The following TRUB1 variants were observed in gnomAD, a reference collection of about 807,000 sequenced individuals.
TRUB1 encodes the protein pseudouridylate synthase TRUB1.
Under a neutral mutation model 33.9 loss-of-function variants are expected in TRUB1, and 23 were observed. The observed-to-expected ratio is 0.68, with a 90% CI of 0.49 to 0.96. The LOEUF (loss-of-function observed/expected upper bound fraction) is 0.96, where lower values mean the gene tolerates loss of function less well. TRUB1 is among the 40% of genes least tolerant of loss of function. TRUB1 has a pLI of 0.00. For synonymous variants in TRUB1, 163 were observed against 165.4 expected, an observed-to-expected ratio of 0.99 and a Z score of 0.11; for missense variants, 378 against 422.2, an observed-to-expected ratio of 0.90 and a Z score of 0.92.
intron 4 of TRUB1, among the ~76,000 whole-genome samples, chr10:114,965,022 C>A (rs746774618): frequency 6.6e-6 from 1 of 151,466 alleles, no homozygotes; most frequent in Non-Finnish European, 1.5e-5. Flanking sequence ...CTCCGCCTCC[C>A]GGGTTCATGC....
chr10:114,952,612 C>G (rs2084242170), intron 3 of TRUB1, among the ~76,000 whole-genome samples: 1 of 152,210 alleles, frequency 6.6e-6, no homozygotes. Flanking sequence ...TGGTTATCAA[C>G]TGGCATAAAA....
intron 4 of TRUB1, among the ~76,000 whole-genome samples, chr10:114,967,575 T>C (rs1476857556): frequency 6.6e-6 from 1 of 152,188 alleles, no homozygotes; most frequent in African/African-American, 2.4e-5. Context: ...AAAAATTAAT[T>C]TCAAATGAAT....
chr10:114,969,307 C>T (rs1046138648), intron 4 of TRUB1, among the ~76,000 whole-genome samples: 1 of 151,126 alleles, frequency 6.6e-6, no homozygotes, highest in African/African-American at 2.4e-5. Context: ...GTTGTGCACG[C>T]CTGTAATCCC....
At chr10:114,973,857 G>T (rs1035023606) in intron 6 of TRUB1, among the ~76,000 whole-genome samples, 1 of 152,048 alleles carries the variant, frequency 6.6e-6, no homozygotes, top group Admixed American at 6.6e-5. Context: ...TTTTTGGTTG[G>T]TTGGTTGGTT....
chr10:114,956,337 A>T (rs1318483790), intron 3 of TRUB1, among the ~76,000 whole-genome samples: 1 of 152,098 alleles, frequency 6.6e-6, no homozygotes, highest in Non-Finnish European at 1.5e-5. Flanking sequence ...CAAAGCACAG[A>T]CTCTACGTAG....
At chr10:114,964,338 G>T (rs2084297532) in intron 4 of TRUB1, among the ~76,000 whole-genome samples, 2 of 151,826 alleles carry the variant, frequency 1.3e-5, no homozygotes, top group South Asian at 2.1e-4. Flanking sequence ...TCCCTTTTGA[G>T]TTGCCTTTTT....
intron 4 of TRUB1, among the ~76,000 whole-genome samples, chr10:114,961,637 T>C (rs2084285626): frequency 6.6e-6 from 1 of 152,230 alleles, no homozygotes; most frequent in South Asian, 2.1e-4. Flanking sequence ...AGAACGTTTT[T>C]CAGGCTGTGA....
In TRUB1 at chr10:114,942,847, A is replaced by C. The variant is rs1350010455; in HGVS notation, c.385+104A>C. On this transcript the variant is annotated intron_variant, in intron 2 of 7. Transcript: ENST00000298746. ...GACTAAAGCCTTCTATTTTTCAGTC[A>C]TTTTGGAATGTTTCAGATCTACTGG... is the stretch of plus-strand genomic sequence containing the variant. 3.0e-5 allele frequency: 23 copies of C among 767,168 alleles called. 1 individual carries two copies. The allele number at this position is 767,168 out of a possible 1,614,324, so 47.5% of individuals were successfully genotyped here. A position where few individuals can be genotyped will look rare whatever the true frequency, so the allele number is the denominator to read the frequency against.
At chr10:114,953,703 C>T (rs922894959) in intron 3 of TRUB1, among the ~76,000 whole-genome samples, 2 of 152,104 alleles carry the variant, frequency 1.3e-5, no homozygotes, top group South Asian at 4.1e-4. Context: ...AAAAGAGGTT[C>T]ATTTGGCTCA....
At chr10:114,963,092 C>T (rs186638769) in intron 4 of TRUB1, among the ~76,000 whole-genome samples, 16 of 152,282 alleles carry the variant, frequency 1.1e-4, no homozygotes, top group East Asian at 5.8e-4. Context: ...ACCAAGCATC[C>T]GGGAAGGCCT....
chr10:114,960,947 T>C (rs962890570), intron 4 of TRUB1, among the ~76,000 whole-genome samples: 2 of 152,096 alleles, frequency 1.3e-5, no homozygotes, highest in Admixed American at 1.3e-4. Flanking sequence ...GGAGAATGAT[T>C]ATTATTCAGA....
chr10:114,954,064 TA>T (rs377033591), intron 3 of TRUB1, among the ~76,000 whole-genome samples: 59 of 148,592 alleles, frequency 4.0e-4, no homozygotes, highest in African/African-American at 4.9e-4. Flanking sequence ...TCTATTTCAT[TA>T]AAAAAAAAAA....
intron 2 of TRUB1, among the ~76,000 whole-genome samples, chr10:114,947,022 A>G (rs2084214282): frequency 6.6e-6 from 1 of 152,188 alleles, no homozygotes; most frequent in South Asian, 2.1e-4. Flanking sequence ...ACCCAATGTA[A>G]TCACAATATT....
At chr10:114,968,085 ATG>A (rs550820951) in intron 4 of TRUB1, among the ~76,000 whole-genome samples, 3 of 151,976 alleles carry the variant, frequency 2.0e-5, no homozygotes, top group East Asian at 1.9e-4. Context: ...ACGTGTGTGT[ATG>A]TGTGTGTGTG....
At position 114,938,437 on chromosome 10, in the gene TRUB1, G is replaced by T; in HGVS notation, c.184G>T (p.Ala62Ser). The change falls in exon 1 of 8, where the codon GCT (alanine) becomes TCT (serine). Residue 62 changes from alanine (A) to serine (S), a missense_variant. Physicochemically the swap from Ala to Ser is moderately conservative, Grantham distance 99. Transcript: ENST00000298746. ...AGCCAGGGTCTCCAAGGCCGCTTTG[G>T]CTACCAAGCTGCTGTCCTTGAGCGG... is the stretch of plus-strand genomic sequence containing the variant. ...SEARVSKAAL[A>S]TKLLSLSGVF... 6.3e-7 allele frequency: 1 copy of T among 1,596,282 alleles called. No homozygotes were observed. The highest frequency in any genetic ancestry group is 8.5e-7 in the Non-Finnish European group (1 of 1,171,470).
At chr10:114,941,299 T>TC (rs2084185567) in intron 1 of TRUB1, among the ~76,000 whole-genome samples, 1 of 152,016 alleles carries the variant, frequency 6.6e-6, no homozygotes. Flanking sequence ...TGGCTCTGTC[T>TC]CCCCAAAGTA....
In TRUB1 at chr10:114,975,272, T is replaced by G; in HGVS notation, c.943T>G (p.Leu315Val). 6.2e-7 allele frequency: 1 copy of G among 1,613,554 alleles called. No individual in the cohort carries two copies. Among genetic ancestry groups the G allele is most frequent in the Non-Finnish European group, 8.5e-7 (1 of 1,179,694 alleles). The part of the protein sequence containing the change: ...EHCSSLFPAE[L>V]ALKKSKPESN... Reference sequence around the variant, plus strand: ...TTGCTCATCTCTTTTCCCAGCAGAGTTGGCACTTAAAAAATCAAAACCTGA... The same window carrying G: ...TTGCTCATCTCTTTTCCCAGCAGAGGTGGCACTTAAAAAATCAAAACCTGA... The change falls in exon 8 of 8, where the codon TTG becomes GTG. Residue 315 changes from leucine to valine, a missense_variant. By Grantham distance (32) the Leu-to-Val change is conservative (BLOSUM62 1). Transcript: ENST00000298746.
chr10:114,952,490 T>C lies in TRUB1; in HGVS notation c.441+1341T>C, dbSNP rs965439563. On this transcript the variant is annotated intron_variant, in intron 3 of 7. Coordinates refer to ENST00000298746, the MANE Select transcript of TRUB1 (RefSeq NM_139169.5). ...GTAGGTAGGTAGGTAGATAGGTAGA[T>C]AGGTAGGTAGGTAGGTAGGTAGATA... Among the ~76,000 whole-genome samples, 90 of 151,920 alleles carry C rather than the reference T, an allele frequency of 5.9e-4. 1 individual carries two copies. The highest frequency in any genetic ancestry group is 2.1e-3 in the African/African-American group (85 of 41,416).
chr10:114,954,677 G>C (rs1333198211), intron 3 of TRUB1, among the ~76,000 whole-genome samples: 1 of 151,706 alleles, frequency 6.6e-6, no homozygotes, highest in Non-Finnish European at 1.5e-5. Flanking sequence ...TGATCATTTA[G>C]GATTATGTGT....
Sources: allele counts gnomAD v4.1 joint callset (sites outside exome capture counted in the v4.1 genomes callset), GRCh38; gene constraint gnomAD v4.1.1; transcripts MANE v1.5; gene names NCBI Gene and HGNC (gene_info 2026-07-23, HGNC 2026-07-21).